Variants in IRAK1BP1 observed in about 807,000 individuals in gnomAD.
IRAK1BP1 encodes interleukin 1 receptor associated kinase 1 binding protein 1.
A neutral mutation model predicts 28.0 loss-of-function variants in IRAK1BP1; 24 were observed. That is an observed-to-expected ratio of 0.86 (90% CI 0.62 to 1.20). IRAK1BP1 has a LOEUF of 1.20. Among genes scored for constraint, IRAK1BP1 ranks in the 50% most tolerant of loss-of-function variants. The pLI is 0.00. For synonymous variants in IRAK1BP1, 131 were observed against 116.3 expected, an observed-to-expected ratio of 1.13 and a Z score of -0.81; for missense variants, 336 against 316.7, an observed-to-expected ratio of 1.06 and a Z score of -0.46.
rs181487693 is a variant in IRAK1BP1, at chr6:78,913,782, T to C, written c.*67+10672T>C. 6.4e-4 allele frequency among the ~76,000 whole-genome samples: 98 copies of C among 152,340 alleles called. 1 individual carries two copies. The South Asian group carries it at 8.1e-3, about 13-fold the overall frequency. ...TCACTCCAGGAGTATTTCAACTATTTATATCAAAGGAATAGAAAATGGGCA... is the reference window on the plus strand; with the variant it reads ...TCACTCCAGGAGTATTTCAACTATTCATATCAAAGGAATAGAAAATGGGCA... On this transcript the variant is annotated intron_variant and NMD_transcript_variant, in intron 4 of 4. Coordinates refer to the IRAK1BP1 transcript ENST00000606868.
the IRAK1BP1 span, among the ~76,000 whole-genome samples, chr6:78,964,515 T>C: frequency 6.6e-5 from 10 of 152,272 alleles, no homozygotes; most frequent in East Asian, 1.7e-3. Flanking sequence ...ATTTTTGAGA[T>C]GGAGTCTCGC....
At chr6:78,967,229 T>A in the IRAK1BP1 span, among the ~76,000 whole-genome samples, 1 of 152,210 alleles carries the variant, frequency 6.6e-6, no homozygotes, top group Non-Finnish European at 1.5e-5. Context: ...GAAAAGTTAA[T>A]AGAACACAAC....
At chr6:78,932,047 G>C (rs914161440) in intron 4 of IRAK1BP1, among the ~76,000 whole-genome samples, 2 of 152,192 alleles carry the variant, frequency 1.3e-5, no homozygotes, top group African/African-American at 4.8e-5. Flanking sequence ...ACCAAAAGTA[G>C]ATTTAATCCC....
chr6:78,880,886 G>A (rs2127643036), intron 1 of IRAK1BP1, among the ~76,000 whole-genome samples: 1 of 152,268 alleles, frequency 6.6e-6, no homozygotes, highest in South Asian at 2.1e-4. Flanking sequence ...CAAATGCTGG[G>A]AAGGATACAG....
the IRAK1BP1 span, among the ~76,000 whole-genome samples, chr6:78,977,510 A>C: frequency 6.6e-6 from 1 of 152,094 alleles, no homozygotes; most frequent in Non-Finnish European, 1.5e-5. Context: ...ATGTACCCTA[A>C]AACTTAAATT....
chr6:78,926,091 C>G (rs1218089101), intron 4 of IRAK1BP1, among the ~76,000 whole-genome samples: 1 of 152,054 alleles, frequency 6.6e-6, no homozygotes, highest in African/African-American at 2.4e-5. Flanking sequence ...TAGTAATCAT[C>G]AGTGAAATGC....
intron 1 of IRAK1BP1, among the ~76,000 whole-genome samples, chr6:78,876,772 G>A (rs1771018499): frequency 6.6e-6 from 1 of 152,106 alleles, no homozygotes; most frequent in South Asian, 2.1e-4. Context: ...ATCATCTTGT[G>A]TATCCACTTA....
chr6:78,921,118 G>A (rs895263003), intron 4 of IRAK1BP1, among the ~76,000 whole-genome samples: 1 of 152,318 alleles, frequency 6.6e-6, no homozygotes, highest in Middle Eastern at 3.4e-3. Context: ...GAGCCGAGCA[G>A]GGCGAGGCAT....
At chr6:78,880,275 T>A (rs918605727) in intron 1 of IRAK1BP1, among the ~76,000 whole-genome samples, 12 of 152,210 alleles carry the variant, frequency 7.9e-5, no homozygotes, top group Admixed American at 7.2e-4. Context: ...ACTTAATGAT[T>A]GAATATCCCA....
chr6:78,883,875 C>T (rs1056895351), intron 1 of IRAK1BP1, among the ~76,000 whole-genome samples: 1 of 152,088 alleles, frequency 6.6e-6, no homozygotes, highest in African/African-American at 2.4e-5. Flanking sequence ...GTATGTGCTA[C>T]CTACCCATTA....
chr6:78,947,662 G>A, downstream of IRAK1BP1: 4 of 1,515,812 alleles, frequency 2.6e-6, no homozygotes, highest in Non-Finnish European at 3.7e-6. Context: ...TGGAATTACT[G>A]AAAATAAGTC....
chr6:78,877,356 C>T (rs754717679), intron 1 of IRAK1BP1, among the ~76,000 whole-genome samples: 65 of 152,156 alleles, frequency 4.3e-4, no homozygotes, highest in Non-Finnish European at 7.9e-4. Flanking sequence ...TGATTGTCAA[C>T]AGGCAATTTT....
At chr6:78,955,030 G>T in the IRAK1BP1 span, 2 of 1,168,514 alleles carry the variant, frequency 1.7e-6, no homozygotes, top group Non-Finnish European at 2.4e-6. Context: ...TACTTTTAAT[G>T]TAGTCTTAGA....
chr6:78,918,053 A>T (rs950959640), intron 4 of IRAK1BP1, among the ~76,000 whole-genome samples: 1 of 152,208 alleles, frequency 6.6e-6, no homozygotes, highest in Non-Finnish European at 1.5e-5. Flanking sequence ...TAACTTCATG[A>T]TAGGATCAAA....
At chr6:78,949,503 T>C (rs1415405085), downstream of IRAK1BP1, among the ~76,000 whole-genome samples, 10 of 152,142 alleles carry the variant, frequency 6.6e-5, no homozygotes, top group African/African-American at 2.4e-4. Flanking sequence ...ACTGGAATTA[T>C]TCAAACTAGC....
chr6:78,955,934 T>C, the IRAK1BP1 span: 2 of 251,064 alleles, frequency 8.0e-6, no homozygotes, highest in African/African-American at 2.2e-5. Context: ...TTTGCTTAGG[T>C]ATCTGCTGTG....
At chr6:78,924,018 C>T (rs1036453793) in intron 4 of IRAK1BP1, among the ~76,000 whole-genome samples, 7 of 152,036 alleles carry the variant, frequency 4.6e-5, no homozygotes, top group Non-Finnish European at 1.0e-4. Flanking sequence ...ACTAGAGAAA[C>T]AAGAGCAAAC....
At position 78,869,811 on chromosome 6, in the gene IRAK1BP1, T is replaced by C. The variant is rs150319593; in HGVS notation, c.315+1920T>C. On this transcript the variant is annotated intron_variant, in intron 1 of 3. Coordinates refer to ENST00000369940, the MANE Select transcript of IRAK1BP1 (RefSeq NM_001010844.4). ...TCCTCATAATCCAAACTCCTTTGCT[T>C]AAAAGATGGAGCCTGAGCCGGGCGT... 6.4e-4 allele frequency among the ~76,000 whole-genome samples: 98 copies of C among 152,210 alleles called. 1 individual carries two copies. The South Asian group carries it at 8.1e-3, about 13-fold the overall frequency.
chr6:78,911,111 A>AT (rs1046376643), intron 4 of IRAK1BP1, among the ~76,000 whole-genome samples: 32 of 151,912 alleles, frequency 2.1e-4, no homozygotes, highest in African/African-American at 7.2e-4. Context: ...GCAGCTGTAG[A>AT]TTTTACCTCT....
Sources: allele counts gnomAD v4.1 joint callset (sites outside exome capture counted in the v4.1 genomes callset), GRCh38; gene constraint gnomAD v4.1.1; transcripts MANE v1.5; gene names NCBI Gene and HGNC (gene_info 2026-07-23, HGNC 2026-07-21).